RAP1GAP2: variants seen among roughly 807,000 people sequenced by gnomAD.
The protein encoded by RAP1GAP2 is RAP1 GTPase activating protein 2.
In RAP1GAP2, 27 loss-of-function variants were observed where a neutral mutation model predicts 95.0. The observed-to-expected ratio is 0.28, with a 90% CI of 0.21 to 0.39. RAP1GAP2 has a LOEUF of 0.39. Ranked by LOEUF, RAP1GAP2 falls within the 10% of genes least tolerant of loss-of-function variation. The pLI is 1.00. For missense variants in RAP1GAP2, 771 were observed against 970.0 expected, an observed-to-expected ratio of 0.79 and a Z score of 2.72; for synonymous variants, 373 against 380.9, an observed-to-expected ratio of 0.98 and a Z score of 0.24.
intron 1 of RAP1GAP2, among the ~76,000 whole-genome samples, chr17:2,787,044 G>A (rs1295250002): frequency 1.3e-5 from 2 of 148,220 alleles, no homozygotes; most frequent in South Asian, 2.1e-4. Flanking sequence ...TCCGCTTCCC[G>A]GGTTCAAGCC....
chr17:2,769,424 G>A (rs1188459322), intron 1 of RAP1GAP2, among the ~76,000 whole-genome samples: 2 of 151,150 alleles, frequency 1.3e-5, no homozygotes, highest in African/African-American at 4.9e-5. Flanking sequence ...GCGTGGCGGT[G>A]GGCGCCTGTA....
At chr17:2,767,382 A>AG (rs2068296659) in intron 1 of RAP1GAP2, among the ~76,000 whole-genome samples, 1 of 149,688 alleles carries the variant, frequency 6.7e-6, no homozygotes, top group Non-Finnish European at 1.5e-5. Context: ...AAAAAAAAAA[A>AG]AAAAAGGTTG....
rs2042041124 is a variant in RAP1GAP2 at position 2,902,069 on chromosome 17, C to T, written c.81-3215C>T. 6.6e-6 allele frequency among the ~76,000 whole-genome samples: 1 copy of T among 152,248 alleles called. No homozygotes were observed. The highest frequency in any genetic ancestry group is 1.5e-5 in the Non-Finnish European group (1 of 68,044). ...AGCAGGGCGACGCTCCCTCTGCAGG[C>T]TCTAGGGAAGAATCCTTCCTCGCCT... On this transcript the variant is annotated intron_variant, in intron 2 of 24. Transcript: ENST00000254695. This position sits in a 1 kb window ranked among gnomAD's most constrained non-coding sequence, Gnocchi z 4.1.
intron 17 of RAP1GAP2, among the ~76,000 whole-genome samples, chr17:3,017,045 A>G (rs568244086): frequency 4.8e-4 from 73 of 152,034 alleles, no homozygotes; most frequent in Non-Finnish European, 7.6e-4. Context: ...GGAGCCAGAG[A>G]GAGCATCATC....
intron 2 of RAP1GAP2, among the ~76,000 whole-genome samples, chr17:2,828,062 C>T (rs979763883): frequency 2.6e-5 from 4 of 152,108 alleles, no homozygotes; most frequent in African/African-American, 7.2e-5. Flanking sequence ...TATCCTGGGC[C>T]GGGTGCGGTG....
intron 4 of RAP1GAP2, among the ~76,000 whole-genome samples, chr17:2,960,596 C>T (rs2044282313): frequency 6.6e-6 from 1 of 152,238 alleles, no homozygotes; most frequent in South Asian, 2.1e-4. Context: ...GGTGACCCGG[C>T]TTCAAATCTA....
intron 1 of RAP1GAP2, among the ~76,000 whole-genome samples, chr17:2,759,894 T>C (rs2071211864): frequency 6.6e-6 from 1 of 152,140 alleles, no homozygotes. Flanking sequence ...GTTGGATATA[T>C]TCTTCAAAGT....
Position 3,032,458 on chromosome 17 carries a change from A to G in RAP1GAP2, c.*30+9A>G, listed in dbSNP as rs1240131538. ...TCCTTCGCCTGTCCAAGGTGGGTTG[A>G]GTGAATGTCCTGCTGTGGCCGTGAG... is the stretch of plus-strand genomic sequence containing the variant. On this transcript the variant is annotated intron_variant, in intron 24 of 24. Transcript: ENST00000254695. 1 of 1,612,974 alleles carries G rather than the reference A, an allele frequency of 6.2e-7. No homozygotes were observed.
chr17:2,939,035 A>G (rs2043393604), intron 3 of RAP1GAP2, among the ~76,000 whole-genome samples: 1 of 152,206 alleles, frequency 6.6e-6, no homozygotes, highest in Non-Finnish European at 1.5e-5. Flanking sequence ...TCCTCAAAGA[A>G]AACGGTTCCC....
At chr17:2,986,883 G>C (rs1008773991) in intron 11 of RAP1GAP2, among the ~76,000 whole-genome samples, 2 of 152,214 alleles carry the variant, frequency 1.3e-5, no homozygotes, top group Admixed American at 1.3e-4. Context: ...CCTGGAAGCA[G>C]CTGCTCTTCC....
At chr17:3,016,186 T>C (rs1437813841) in intron 17 of RAP1GAP2, among the ~76,000 whole-genome samples, 1 of 152,236 alleles carries the variant, frequency 6.6e-6, no homozygotes, top group Non-Finnish European at 1.5e-5. Context: ...CCTAAGATCA[T>C]TGTCATGGTT....
At chr17:2,887,212 C>T (rs532013986) in intron 2 of RAP1GAP2, among the ~76,000 whole-genome samples, 1 of 148,200 alleles carries the variant, frequency 6.7e-6, no homozygotes, top group South Asian at 2.2e-4. Context: ...CATGCACCAA[C>T]ACGCTCAGCT....
intron 1 of RAP1GAP2, among the ~76,000 whole-genome samples, chr17:2,787,645 G>A (rs753891199): frequency 2.6e-5 from 4 of 152,074 alleles, no homozygotes; most frequent in Admixed American, 6.6e-5. Flanking sequence ...TCAGCTCACT[G>A]CAAGCTGCCT....
At chr17:3,022,895 T>G (rs1255419236) in intron 19 of RAP1GAP2, among the ~76,000 whole-genome samples, 1 of 152,268 alleles carries the variant, frequency 6.6e-6, no homozygotes, top group African/African-American at 2.4e-5. Context: ...CATTTTGATT[T>G]GATTTTTATG....
chr17:2,913,588 C>T (rs1026031939), intron 3 of RAP1GAP2, among the ~76,000 whole-genome samples: 5 of 152,154 alleles, frequency 3.3e-5, no homozygotes, highest in Non-Finnish European at 1.5e-5. Context: ...CACACTCGGC[C>T]TTCTGTTCAT....
At chr17:2,943,044 C>T (rs937114775) in intron 3 of RAP1GAP2, among the ~76,000 whole-genome samples, 2 of 152,104 alleles carry the variant, frequency 1.3e-5, no homozygotes, top group Admixed American at 6.6e-5. Context: ...GCTGGGATTA[C>T]AGGTGTGAAC....
chr17:2,882,464 G>A (rs1296671733), intron 2 of RAP1GAP2, among the ~76,000 whole-genome samples: 3 of 151,966 alleles, frequency 2.0e-5, no homozygotes, highest in Non-Finnish European at 2.9e-5. Context: ...GCTAATTTTT[G>A]CATTTTTAGT....
chr17:2,814,792 G>A (rs758558179), intron 2 of RAP1GAP2, among the ~76,000 whole-genome samples: 18 of 152,196 alleles, frequency 1.2e-4, no homozygotes, highest in Non-Finnish European at 2.5e-4. Flanking sequence ...GGAAATCCGT[G>A]CCTGGCAGAC....
intron 1 of RAP1GAP2, among the ~76,000 whole-genome samples, chr17:2,788,687 A>G (rs937911757): frequency 6.6e-6 from 1 of 152,190 alleles, no homozygotes; most frequent in Non-Finnish European, 1.5e-5. Flanking sequence ...AGCTGGTGGT[A>G]TGTTCTAGTC....
Sources: allele counts gnomAD v4.1 joint callset (sites outside exome capture counted in the v4.1 genomes callset), GRCh38; gene constraint gnomAD v4.1.1; non-coding constraint Gnocchi (gnomAD v3.1); transcripts MANE v1.5; gene names NCBI Gene and HGNC (gene_info 2026-07-23, HGNC 2026-07-21).